TPCN1: variants seen among roughly 807,000 people sequenced by gnomAD.
TPCN1 encodes the protein two pore segment channel 1.
TPCN1 carries 52 observed loss-of-function variants against 108.8 expected under a neutral mutation model. The ratio of observed to expected loss-of-function variants is 0.48; its 90% CI spans 0.38 to 0.60. The LOEUF is 0.60. Ranked by LOEUF, TPCN1 falls within the 20% of genes least tolerant of loss-of-function variation. TPCN1 has a pLI of 0.00. For missense variants in TPCN1, 806 were observed against 1,072.8 expected (o/e 0.75, Z 3.47); for synonymous variants, 446 against 433.7 (o/e 1.03, Z -0.35).
chr12:113,226,222 T>G (rs1455418988), intron 1 of TPCN1, among the ~76,000 whole-genome samples: 1 of 151,932 alleles, frequency 6.6e-6, no homozygotes, highest in Non-Finnish European at 1.5e-5. Context: ...CACCGGCCAA[T>G]TTTTTTAAAA....
At chr12:113,244,231 G>T in intron 2 of TPCN1, 3 of 840,780 alleles carry the variant, frequency 3.6e-6, no homozygotes, top group Non-Finnish European at 4.3e-6. Flanking sequence ...GGCTTGACCC[G>T]TGGTACTGCC....
intron 23 of TPCN1, 53 bp downstream of exon 23, chr12:113,291,051 C>T: frequency 6.5e-7 from 1 of 1,532,186 alleles, no homozygotes; most frequent in Non-Finnish European, 9.0e-7. Context: ...TGGGGTCGGC[C>T]CTGGGTCTCC....
At chr12:113,244,387 C>T in intron 2 of TPCN1, 1 of 985,440 alleles carries the variant, frequency 1.0e-6, no homozygotes, top group Non-Finnish European at 1.2e-6. Flanking sequence ...CAGGGCTCTG[C>T]TTGGGTTTGG....
chr12:113,272,627 C>T lies in TPCN1; in HGVS notation c.749-31C>T. On this transcript the variant is annotated intron_variant, in intron 7 of 27. Transcript: ENST00000335509. This position sits in a 1 kb window ranked among gnomAD's most constrained non-coding sequence, Gnocchi z 4.1. ...AGGTTTTGGGACCTCTGCTCTAATC[C>T]TTTTGTTTATCTGTTTCCACCCACT... 6.2e-7 allele frequency: 1 copy of T among 1,609,592 alleles called. No individual in the cohort carries two copies. The highest frequency in any genetic ancestry group is 8.5e-7 in the Non-Finnish European group (1 of 1,175,814).
chr12:113,255,344 T>G (rs549232082), intron 2 of TPCN1, among the ~76,000 whole-genome samples: 142 of 152,302 alleles, frequency 9.3e-4, no homozygotes, highest in African/African-American at 3.2e-3. Flanking sequence ...AGAAAAGATG[T>G]GTCAGGTCTG....
At chr12:113,287,167 A>G in intron 19 of TPCN1, 73 bp downstream of exon 19, 1 of 1,297,324 alleles carries the variant, frequency 7.7e-7, no homozygotes. Flanking sequence ...TTGATCCGGG[A>G]AGTGACCCAG....
At chr12:113,223,356 T>A (rs1209312889) in intron 1 of TPCN1, among the ~76,000 whole-genome samples, 1 of 151,416 alleles carries the variant, frequency 6.6e-6, no homozygotes, top group Non-Finnish European at 1.5e-5. Context: ...CAAAGTGGGT[T>A]GAGCCCAGAG....
chr12:113,279,847 C>T (rs748496903), intron 14 of TPCN1, among the ~76,000 whole-genome samples: 1 of 152,128 alleles, frequency 6.6e-6, no homozygotes, highest in Non-Finnish European at 1.5e-5. Context: ...TAATTTCATG[C>T]CAGTTTCAGC....
At chr12:113,295,084 A>G (rs1159555522) in intron 27 of TPCN1, among the ~76,000 whole-genome samples, 1 of 152,236 alleles carries the variant, frequency 6.6e-6, no homozygotes, top group Admixed American at 6.5e-5. Context: ...GACCTTGGGC[A>G]GTCACTCCAT....
chr12:113,293,238 G>T (rs747548195), intron 26 of TPCN1, 31 bp from the exon 27 acceptor site: 1 of 1,613,144 alleles, frequency 6.2e-7, no homozygotes, highest in Non-Finnish European at 8.5e-7. Context: ...AATATCTGCA[G>T]CCGAGCCCTG....
In TPCN1 at chr12:113,288,304, C is replaced by G; in HGVS notation, c.1706+70C>G. 6.2e-7 allele frequency: 1 copy of G among 1,605,772 alleles called. No individual in the cohort carries two copies. Among genetic ancestry groups the G allele is most frequent in the Non-Finnish European group, 8.5e-7 (1 of 1,177,094 alleles). On this transcript the variant is annotated intron_variant, in intron 20 of 27. Transcript: ENST00000335509. This position sits in a 1 kb window ranked among gnomAD's most constrained non-coding sequence, Gnocchi z 4.8. Reference sequence around the variant, plus strand: ...GGCAGTGCCCCGTGGGGGCGGGAGCCGAGTGGCAGTCGGGGGAAAGGAGTT... The same window carrying G: ...GGCAGTGCCCCGTGGGGGCGGGAGCGGAGTGGCAGTCGGGGGAAAGGAGTT...
In TPCN1 at chr12:113,288,021, C is replaced by A. The variant is rs1566200802; in HGVS notation, c.1635-142C>A. On this transcript the variant is annotated intron_variant, in intron 19 of 27. Transcript: ENST00000335509. The surrounding 1 kb of genome is among the most constrained non-coding windows in gnomAD (Gnocchi z 4.8). ...GAGCCCAGCTCAGGGTTGGTGGCGC[C>A]CAAGGGAGTGGACGCAGGTGGAGGA... 2 of 777,146 alleles carry A rather than the reference C, an allele frequency of 2.6e-6. No homozygotes were observed. The highest frequency in any genetic ancestry group is 3.5e-5 in the African/African-American group (2 of 57,432). 48.1% of individuals were successfully genotyped at this position (777,146 alleles called of 1,614,324 possible).
In TPCN1 at chr12:113,268,352, G is replaced by A. The variant is rs1955360570; in HGVS notation, c.529-390G>A. ...GCATGAGTAAGAGCACGTCAAGGTG[G>A]CATTTTGTAGTGTGTGGAGCATGTG... On this transcript the variant is annotated intron_variant, in intron 5 of 27. Coordinates refer to ENST00000335509, the MANE Select transcript of TPCN1 (RefSeq NM_017901.6). The surrounding 1 kb of genome is among the most constrained non-coding windows in gnomAD (Gnocchi z 7.3). Among the ~76,000 whole-genome samples the A allele has an allele frequency of 6.6e-6, 1 of 152,172 alleles. No homozygotes were observed. Among genetic ancestry groups the A allele is most frequent in the Non-Finnish European group, 1.5e-5 (1 of 68,028 alleles).
intron 2 of TPCN1, among the ~76,000 whole-genome samples, chr12:113,259,686 G>A (rs1245177703): frequency 6.6e-6 from 1 of 152,356 alleles, no homozygotes; most frequent in African/African-American, 2.4e-5. Flanking sequence ...GCTGTCACTG[G>A]CTGGACTTGG....
chr12:113,267,403 CTTTT>C (rs542057561), intron 4 of TPCN1, among the ~76,000 whole-genome samples: 1 of 145,214 alleles, frequency 6.9e-6, no homozygotes, highest in Non-Finnish European at 1.5e-5. Context: ...GTTTTTCTTA[CTTTT>C]TTTTTTTTTG....
chr12:113,289,996 G>C lies in TPCN1; in HGVS notation c.1797-132G>C, dbSNP rs1460301808. 1.6e-6 allele frequency: 1 copy of C among 625,246 alleles called. No individual in the cohort carries two copies. The highest frequency in any genetic ancestry group is 2.8e-6 in the Non-Finnish European group (1 of 351,950). 38.7% of individuals were successfully genotyped at this position (625,246 alleles called of 1,614,324 possible). On this transcript the variant is annotated intron_variant, in intron 21 of 27. Coordinates refer to ENST00000335509, the MANE Select transcript of TPCN1 (RefSeq NM_017901.6). This position sits in a 1 kb window ranked among gnomAD's most constrained non-coding sequence, Gnocchi z 4.1. The stretch of plus-strand genomic sequence containing the variant: ...CCAGGCATGAGGTGGAGAGGGTTAG[G>C]CAGGAAACCAGGCTGCGGGCAGAAC...
chr12:113,257,584 A>C (rs922214847), intron 2 of TPCN1, among the ~76,000 whole-genome samples: 1 of 152,222 alleles, frequency 6.6e-6, no homozygotes. Flanking sequence ...GTGAGAATGT[A>C]AAATGGTACA....
chr12:113,291,061 C>G, intron 23 of TPCN1, 63 bp downstream of exon 23: 1 of 1,461,328 alleles, frequency 6.8e-7, no homozygotes, highest in Non-Finnish European at 9.6e-7. Context: ...CCTGGGTCTC[C>G]CCCAACCCAG....
In TPCN1 at chr12:113,284,836, A is replaced by G. The variant is rs78752201; in HGVS notation, c.1453+65A>G. 5.3e-3 allele frequency: 8,208 copies of G among 1,544,626 alleles called. 287 individuals carry two copies. In the Admixed American group the frequency reaches 0.081, roughly 15 times the overall value. ...AAATTGTCTGGGAGAACTTTCATTC[A>G]GTGTAGAACCTCATGGTTCTTCTCT... On this transcript the variant is annotated intron_variant, in intron 17 of 27. Coordinates refer to ENST00000335509, the MANE Select transcript of TPCN1 (RefSeq NM_017901.6). The surrounding 1 kb of genome is among the most constrained non-coding windows in gnomAD (Gnocchi z 4.1).
Sources: gnomAD v4.1 joint callset for allele counts (sites outside exome capture counted in the v4.1 genomes callset) on GRCh38, gnomAD v4.1.1 for gene constraint, Gnocchi (gnomAD v3.1) non-coding constraint, MANE v1.5 for transcripts, NCBI Gene and HGNC (gene_info 2026-07-23, HGNC 2026-07-21) for gene names.